The following PALM2AKAP2 variants were observed in gnomAD, a reference collection of about 807,000 sequenced individuals.
PALM2AKAP2 encodes PALM2-AKAP2 fusion protein.
A neutral mutation model predicts 71.5 loss-of-function variants in PALM2AKAP2; 37 were observed. The ratio of observed to expected loss-of-function variants is 0.52; its 90% CI spans 0.40 to 0.68. PALM2AKAP2 has a LOEUF of 0.68. PALM2AKAP2 is among the 30% of genes least tolerant of loss of function. PALM2AKAP2 has a pLI of 0.00. For missense variants in PALM2AKAP2, 1,224 were observed against 1,191.8 expected, an observed-to-expected ratio of 1.03 and a Z score of -0.40; for synonymous variants, 468 against 478.8, an observed-to-expected ratio of 0.98 and a Z score of 0.29.
At chr9:110,164,943 C>T (rs530431134) in intron 3 of PALM2AKAP2, among the ~76,000 whole-genome samples, 2 of 152,232 alleles carry the variant, frequency 1.3e-5, no homozygotes, top group African/African-American at 2.4e-5. Context: ...AGCCATTGGG[C>T]AGCCAGATAG....
chr9:109,756,356 G>A (rs771194517), intron 1 of PALM2AKAP2, among the ~76,000 whole-genome samples: 1 of 152,168 alleles, frequency 6.6e-6, no homozygotes, highest in Non-Finnish European at 1.5e-5. Flanking sequence ...TTGGACCCAT[G>A]TTCTACTATT....
At chr9:109,803,998 C>A (rs1827507446) in intron 1 of PALM2AKAP2, among the ~76,000 whole-genome samples, 1 of 152,150 alleles carries the variant, frequency 6.6e-6, no homozygotes. Context: ...TCCTGAAAGT[C>A]CCCACCTTCT....
exon 2 of PALM2AKAP2, chr9:110,136,618 G>T (rs748808900): frequency 6.2e-7 from 1 of 1,614,090 alleles, no homozygotes; most frequent in Admixed American, 1.7e-5. Context: ...CCATGGCAGA[G>T]GCAGAAAGAA....
At chr9:110,110,517 T>C (rs890331364) in intron 1 of PALM2AKAP2, among the ~76,000 whole-genome samples, 1 of 151,124 alleles carries the variant, frequency 6.6e-6, no homozygotes, top group African/African-American at 2.4e-5. Context: ...ACGTGGTGTT[T>C]ATGGTGCATT....
chr9:109,883,367 G>A (rs1000503917), intron 3 of PALM2AKAP2, among the ~76,000 whole-genome samples: 11 of 152,140 alleles, frequency 7.2e-5, no homozygotes, highest in Non-Finnish European at 1.3e-4. Flanking sequence ...TGGATTCAGG[G>A]GCCATTTCTT....
intron 1 of PALM2AKAP2, among the ~76,000 whole-genome samples, chr9:109,794,504 A>T (rs1428835279): frequency 6.6e-6 from 1 of 151,436 alleles, no homozygotes; most frequent in East Asian, 1.9e-4. Context: ...GTCAGAGAGC[A>T]CACCAGCCAC....
chr9:109,897,683 A>AT (rs777572225), intron 3 of PALM2AKAP2, among the ~76,000 whole-genome samples: 2 of 152,188 alleles, frequency 1.3e-5, no homozygotes, highest in Non-Finnish European at 2.9e-5. Context: ...CTCAGACCAA[A>AT]TTTTTTCACC....
chr9:109,779,832 C>G (rs979345682), upstream of PALM2AKAP2, among the ~76,000 whole-genome samples: 5 of 152,188 alleles, frequency 3.3e-5, no homozygotes, highest in African/African-American at 1.2e-4. Context: ...GCCCTGAACA[C>G]TCGGTGGCCC....
intron 1 of PALM2AKAP2, among the ~76,000 whole-genome samples, chr9:109,808,610 G>A (rs1024539949): frequency 1.4e-4 from 21 of 152,340 alleles, no homozygotes; most frequent in African/African-American, 4.3e-4. Flanking sequence ...CTGATGTTGC[G>A]ATAGAAAAGA....
chr9:109,652,917 G>A (rs1414195564), intron 1 of PALM2AKAP2, among the ~76,000 whole-genome samples: 1 of 152,202 alleles, frequency 6.6e-6, no homozygotes, highest in Non-Finnish European at 1.5e-5. Flanking sequence ...AATTTTAGGA[G>A]TCCAGGGATT....
At position 109,950,490 on chromosome 9, in the gene PALM2AKAP2, C is replaced by A. The variant is rs1831611387; in HGVS notation, c.496+18462C>A. Among the ~76,000 whole-genome samples, 3 of 151,984 alleles carry A rather than the reference C, an allele frequency of 2.0e-5. No homozygotes were observed. In the South Asian group the frequency reaches 6.2e-4, roughly 32 times the overall value. ...TCCCTTCCCTATCACACTCAGTTTC[C>A]TGAAGCTCTTCCCCTACACCTGCTC... is the stretch of plus-strand genomic sequence containing the variant. On this transcript the variant is annotated intron_variant, in intron 6 of 9. Transcript: ENST00000302798.
At chr9:110,160,981 C>T (rs1836581190) in intron 3 of PALM2AKAP2, among the ~76,000 whole-genome samples, 1 of 152,178 alleles carries the variant, frequency 6.6e-6, no homozygotes, top group South Asian at 2.1e-4. Flanking sequence ...CCTTCCAGAC[C>T]AGGACATGCA....
chr9:109,931,909 C>T lies in PALM2AKAP2; in HGVS notation c.395-18C>T, dbSNP rs781754956. ...CCCAACACTGTGACTAATTGTATTC[C>T]CTGTTCTCTGCTACCAGATGCAGTA... On this transcript the variant is annotated intron_variant, in intron 5 of 9. Transcript: ENST00000302798. The T allele has an allele frequency of 1.8e-5, 29 of 1,612,600 alleles. No homozygotes were observed. The South Asian group carries it at 3.0e-4, about 17-fold the overall frequency.
rs1044583851 is a variant in PALM2AKAP2 at position 110,042,972 on chromosome 9, T to G, written c.582+26933T>G. The stretch of plus-strand genomic sequence containing the variant: ...ATTATTTTTGACTGTGGTCACCCTG[T>G]TGTCCTAGCAAATACTAGGTCTTAT... On this transcript the variant is annotated intron_variant, in intron 7 of 9. Transcript: ENST00000302798. 2.0e-5 allele frequency among the ~76,000 whole-genome samples: 3 copies of G among 152,214 alleles called. No individual in the cohort carries two copies. In the South Asian group the frequency reaches 6.2e-4, roughly 31 times the overall value.
chr9:109,729,263 G>C (rs572888067), intron 1 of PALM2AKAP2, among the ~76,000 whole-genome samples: 1 of 152,282 alleles, frequency 6.6e-6, no homozygotes, highest in African/African-American at 2.4e-5. Flanking sequence ...GCCTCCAGTA[G>C]TCCCCTCCAA....
At chr9:109,809,244 A>G (rs573487263) in intron 1 of PALM2AKAP2, among the ~76,000 whole-genome samples, 23 of 152,324 alleles carry the variant, frequency 1.5e-4, no homozygotes, top group African/African-American at 5.3e-4. Flanking sequence ...ACAGACTTTC[A>G]ATGCTAGTCC....
intron 7 of PALM2AKAP2, among the ~76,000 whole-genome samples, chr9:110,025,544 G>T (rs1159460984): frequency 6.6e-6 from 1 of 152,020 alleles, no homozygotes; most frequent in East Asian, 1.9e-4. Context: ...CTTTGTCTTG[G>T]GATTGTACCT....
At chr9:109,759,430 A>G (rs1829016789) in intron 1 of PALM2AKAP2, among the ~76,000 whole-genome samples, 1 of 152,208 alleles carries the variant, frequency 6.6e-6, no homozygotes. Context: ...AAGGTGCAAG[A>G]TAGTGTGAAT....
intron 1 of PALM2AKAP2, among the ~76,000 whole-genome samples, chr9:110,049,209 G>C (rs1193224767): frequency 1.3e-5 from 2 of 152,230 alleles, no homozygotes; most frequent in Non-Finnish European, 1.5e-5. Flanking sequence ...AGGAAAAGCA[G>C]TGAAATCAAA....
Sources: gnomAD v4.1 joint callset for allele counts (sites outside exome capture counted in the v4.1 genomes callset) on GRCh38, gnomAD v4.1.1 for gene constraint, MANE v1.5 for transcripts, NCBI Gene and HGNC (gene_info 2026-07-23, HGNC 2026-07-21) for gene names.